Variants in SCN10A observed in about 807,000 individuals in gnomAD.
SCN10A encodes sodium voltage-gated channel alpha subunit 10.
In SCN10A, 162 loss-of-function variants were observed where a neutral mutation model predicts 170.7. That is an observed-to-expected ratio of 0.95 (90% CI 0.84 to 1.08). The LOEUF is 1.08. SCN10A is among the 50% of genes least tolerant of loss of function. SCN10A has a pLI of 0.00. For synonymous variants in SCN10A, 985 were observed against 904.6 expected (o/e 1.09, Z -1.59); for missense variants, 2,527 against 2,436.9 (o/e 1.04, Z -0.78).
chr3:38,791,448 A>T (rs929332467), intron 3 of SCN10A, among the ~76,000 whole-genome samples: 1 of 152,204 alleles, frequency 6.6e-6, no homozygotes, highest in Admixed American at 6.5e-5. Context: ...TGAACATCAG[A>T]TTATTGACAT....
rs772430907 is a variant in SCN10A at position 38,707,306 on chromosome 3, C to A, written c.4359G>T (p.Lys1453Asn). The A allele has an allele frequency of 6.2e-7, 1 of 1,614,090 alleles. No individual in the cohort carries two copies. The highest frequency in any genetic ancestry group is 1.1e-5 in the South Asian group (1 of 91,078). ...YNAMKKLGSK[K>N]PQKPIPRPLN... The stretch of plus-strand genomic sequence containing the variant: ...GGGGCCGTGGGATGGGCTTCTGGGG[C>A]TTCTTGGAGCCCAACTTCTTCATGG... The change falls in exon 26 of 28, where the codon AAG becomes AAT. Residue 1453 changes from lysine to asparagine, a missense_variant. Lys to Asn is a moderately conservative substitution (Grantham distance 94). Coordinates refer to ENST00000449082, the MANE Select transcript of SCN10A (RefSeq NM_006514.4).
Position 38,702,109 on chromosome 3 carries a change from T to C in SCN10A, c.4387A>G (p.Asn1463Asp). The part of the protein sequence containing the change: ...KPQKPIPRPL[N>D]KFQGFVFDIV... Reference sequence around the variant, plus strand: ...TCAAAGACAAAACCCTGGAACTTGTTCTGAGAAAACAAGAGATAGTGGCAT... The same window carrying C: ...TCAAAGACAAAACCCTGGAACTTGTCCTGAGAAAACAAGAGATAGTGGCAT... The change falls in exon 27 of 28, where the codon AAC becomes GAC. Residue 1463 changes from asparagine (N) to aspartate (D), a missense_variant and splice_region_variant. Physicochemically the swap from Asn to Asp is conservative, Grantham distance 23. Transcript: ENST00000449082. 2 of 1,540,232 alleles carry C rather than the reference T, an allele frequency of 1.3e-6. No homozygotes were observed. The highest frequency in any genetic ancestry group is 1.7e-6 in the Non-Finnish European group (2 of 1,145,584).
chr3:38,725,335 C>T, intron 17 of SCN10A, 21 bp from the exon 18 acceptor site: 3 of 1,552,416 alleles, frequency 1.9e-6, no homozygotes, highest in Non-Finnish European at 2.6e-6. Context: ...AGGGTCCCAA[C>T]TGGGTGCCTG....
chr3:38,808,017 C>T (rs557022377), intron 1 of SCN10A, among the ~76,000 whole-genome samples: 1 of 152,142 alleles, frequency 6.6e-6, no homozygotes, highest in South Asian at 2.1e-4. Context: ...TCTGATGATA[C>T]CTTTCAAAGG....
At chr3:38,739,948 T>A (rs999050520) in intron 14 of SCN10A, among the ~76,000 whole-genome samples, 6 of 152,170 alleles carry the variant, frequency 3.9e-5, no homozygotes, top group African/African-American at 1.4e-4. Flanking sequence ...AATAAGCGGA[T>A]AGTCTTTAAG....
In SCN10A at chr3:38,709,514, C is replaced by T. The variant is rs771909114; in HGVS notation, c.4245G>A (p.Gly1415=). Residue 1415 remains glycine (G), a synonymous_variant, in exon 25 of 28, where the codon GGG becomes GGA. Coordinates refer to ENST00000449082, the MANE Select transcript of SCN10A (RefSeq NM_006514.4). ...GTTGATTGAAGTTGTCAATTATGAC[C>T]CCAACAAAGAGATTCAGTGTGAAGA... ...GGFFTLNLFV[G]VIIDNFNQQK... 21 of 1,611,514 alleles carry T rather than the reference C, an allele frequency of 1.3e-5. No individual in the cohort carries two copies. The highest frequency in any genetic ancestry group is 1.7e-5 in the Non-Finnish European group (20 of 1,178,902).
rs1445234935 is a variant in SCN10A, at chr3:38,697,335, C to A, written c.*14G>T. The A allele has an allele frequency of 6.2e-7, 1 of 1,611,178 alleles. No homozygotes were observed. Among genetic ancestry groups the A allele is most frequent in the South Asian group, 1.1e-5 (1 of 90,948 alleles). The stretch of plus-strand genomic sequence containing the variant: ...CGCATCATAACTGAACATATCCAGG[C>A]TGGAGTGTTCTCACTAGGGCCCAGG... On this transcript the variant is annotated 3_prime_UTR_variant, in exon 28 of 28. Transcript: ENST00000449082.
intron 26 of SCN10A, among the ~76,000 whole-genome samples, chr3:38,702,947 T>C (rs981168237): frequency 1.3e-5 from 2 of 152,094 alleles, no homozygotes; most frequent in Non-Finnish European, 2.9e-5. Flanking sequence ...CCCAACCCCA[T>C]TCCCCACGCT....
chr3:38,788,102 C>T (rs1192235182), intron 4 of SCN10A, among the ~76,000 whole-genome samples: 1 of 150,420 alleles, frequency 6.6e-6, no homozygotes, highest in African/African-American at 2.4e-5. Context: ...GGAAATTAAA[C>T]TTTATCAAAT....
In SCN10A at chr3:38,697,096, A is replaced by G; in HGVS notation, c.*253T>C. On this transcript the variant is annotated 3_prime_UTR_variant, in exon 28 of 28. Coordinates refer to ENST00000449082, the MANE Select transcript of SCN10A (RefSeq NM_006514.4). ...GACAAGGGATATTTTCTGGAGAGTA[A>G]GAGAACCCATGATCTGATATTGAAA... 1 of 534,354 alleles carries G rather than the reference A, an allele frequency of 1.9e-6. No individual in the cohort carries two copies. Among genetic ancestry groups the G allele is most frequent in the Non-Finnish European group, 3.3e-6 (1 of 302,584 alleles). 33.1% of individuals were successfully genotyped at this position (534,354 alleles called of 1,614,324 possible). A position where few individuals can be genotyped will look rare whatever the true frequency, so the allele number is the denominator to read the frequency against.
chr3:38,697,956 G>A lies in SCN10A; in HGVS notation c.5264C>T (p.Ala1755Val), dbSNP rs552795944. 4 of 1,614,124 alleles carry A rather than the reference G, an allele frequency of 2.5e-6. No homozygotes were observed. In the Admixed American group the frequency reaches 5.0e-5, roughly 20 times the overall value. ...AGCAGAAAAGGTAATAAACTGAGTG[G>A]CCTCTGGGTCAAACTTCTCCCAGGT... ...YETWEKFDPE[A>V]TQFITFSALS... The change falls in exon 28 of 28, where the codon GCC becomes GTC. Residue 1755 changes from alanine to valine, a missense_variant. Coordinates refer to ENST00000449082, the MANE Select transcript of SCN10A (RefSeq NM_006514.4).
chr3:38,709,333 T>C (rs1253910996), intron 25 of SCN10A, 145 bp downstream of exon 25: 5 of 682,568 alleles, frequency 7.3e-6, no homozygotes, highest in Middle Eastern at 2.6e-4. Flanking sequence ...GCAACAGCAA[T>C]CACAGGGCAA....
chr3:38,725,036 C>A (rs1316277469), intron 18 of SCN10A, 138 bp downstream of exon 18: 1 of 738,268 alleles, frequency 1.4e-6, no homozygotes, highest in Non-Finnish European at 2.0e-6. Flanking sequence ...TTTAAAAATT[C>A]CCAGGATAAG....
At chr3:38,737,798 C>CTT (rs1553618376) in intron 15 of SCN10A, among the ~76,000 whole-genome samples, 177 of 93,606 alleles carry the variant, frequency 1.9e-3, no homozygotes, top group African/African-American at 7.9e-3. Context: ...CCCTCCCTTC[C>CTT]TCTTTCTTTC....
intron 26 of SCN10A, among the ~76,000 whole-genome samples, chr3:38,705,007 T>C (rs1321160374): frequency 6.6e-6 from 1 of 152,242 alleles, no homozygotes; most frequent in Non-Finnish European, 1.5e-5. Flanking sequence ...GGGAAGATGA[T>C]CCGGCTTGTG....
chr3:38,746,197 A>G (rs1559439684), intron 13 of SCN10A, among the ~76,000 whole-genome samples: 1 of 149,864 alleles, frequency 6.7e-6, no homozygotes, highest in Non-Finnish European at 1.5e-5. Flanking sequence ...CTGAAACCCA[A>G]TATATCCCAG....
intron 21 of SCN10A, among the ~76,000 whole-genome samples, chr3:38,718,303 A>T (rs1346325177): frequency 6.6e-6 from 1 of 152,220 alleles, no homozygotes; most frequent in African/African-American, 2.4e-5. Flanking sequence ...CTCACAGTTC[A>T]TGGCTCCCCA....
intron 24 of SCN10A, 151 bp from the exon 25 acceptor site, chr3:38,709,766 G>A (rs555007276): frequency 9.4e-5 from 64 of 677,574 alleles, no homozygotes; most frequent in East Asian, 5.8e-5. Flanking sequence ...GGAAGAATAA[G>A]CGGGAATGGG....
At chr3:38,762,725 G>A (rs2063888974) in intron 6 of SCN10A, among the ~76,000 whole-genome samples, 1 of 152,178 alleles carries the variant, frequency 6.6e-6, no homozygotes, top group Admixed American at 6.5e-5. Context: ...AGTGGGAATT[G>A]GCAGAGAGTT....
Sources: gnomAD v4.1 joint callset for allele counts (sites outside exome capture counted in the v4.1 genomes callset) on GRCh38, gnomAD v4.1.1 for gene constraint, MANE v1.5 for transcripts, NCBI Gene and HGNC (gene_info 2026-07-23, HGNC 2026-07-21) for gene names.